Variants in MACROD2 observed in about 807,000 individuals in gnomAD.
MACROD2 encodes ADP-ribose glycohydrolase MACROD2.
A neutral mutation model predicts 70.4 loss-of-function variants in MACROD2; 36 were observed. The observed-to-expected ratio is 0.51, with a 90% CI of 0.39 to 0.68. The LOEUF (loss-of-function observed/expected upper bound fraction) is 0.68. Ranked by LOEUF, MACROD2 falls within the 30% of genes least tolerant of loss-of-function variation. The pLI, the probability that MACROD2 is intolerant of heterozygous loss-of-function variation, is 0.00. For missense variants in MACROD2, 496 were observed against 538.4 expected (o/e 0.92, Z 0.78); for synonymous variants, 172 against 178.8 (o/e 0.96, Z 0.30).
intron 8 of MACROD2, among the ~76,000 whole-genome samples, chr20:15,772,356 G>A (rs997367573): frequency 4.6e-5 from 7 of 151,766 alleles, no homozygotes; most frequent in Non-Finnish European, 8.8e-5. Context: ...GCATTTTGTA[G>A]ATGAGAAAAC....
intron 7 of MACROD2, among the ~76,000 whole-genome samples, chr20:15,465,695 G>C (rs1172396340): frequency 6.6e-6 from 1 of 152,228 alleles, no homozygotes; most frequent in Non-Finnish European, 1.5e-5. Context: ...GGAAGGGGTA[G>C]ACATGTGGCT....
At chr20:15,219,432 A>T (rs2076839471) in intron 5 of MACROD2, among the ~76,000 whole-genome samples, 1 of 152,216 alleles carries the variant, frequency 6.6e-6, no homozygotes, top group Non-Finnish European at 1.5e-5. Context: ...TGCCCTTATT[A>T]TTTAAATATT....
intron 5 of MACROD2, among the ~76,000 whole-genome samples, chr20:14,886,582 A>G (rs984261): frequency 0.91 from 138,107 of 152,148 alleles, 62,868 homozygotes; most frequent in East Asian, 1. Flanking sequence ...ACTTGGTTCT[A>G]TCCCTTACTA....
At chr20:14,461,937 G>C (rs2084377540) in intron 3 of MACROD2, among the ~76,000 whole-genome samples, 1 of 151,980 alleles carries the variant, frequency 6.6e-6, no homozygotes, top group Non-Finnish European at 1.5e-5. Context: ...GAATAGTGCT[G>C]CAAGAAACAT....
At chr20:15,499,975 A>G (rs1221087062) in intron 8 of MACROD2, 128 bp downstream of exon 8, 4 of 784,022 alleles carry the variant, frequency 5.1e-6, no homozygotes, top group Admixed American at 2.4e-5. Flanking sequence ...CTAGCTGACC[A>G]TTCTTCACTT....
chr20:15,668,681 C>T (rs980441854), intron 8 of MACROD2, among the ~76,000 whole-genome samples: 4 of 152,202 alleles, frequency 2.6e-5, no homozygotes, highest in African/African-American at 4.8e-5. Context: ...TGATGTTTGT[C>T]GCAAAATTAT....
intron 15 of MACROD2, among the ~76,000 whole-genome samples, chr20:15,998,719 C>G (rs62194204): frequency 1.3e-5 from 2 of 151,766 alleles, no homozygotes; most frequent in Non-Finnish European, 2.9e-5. Flanking sequence ...CACCCGCCAC[C>G]AAGCCTGGCT....
chr20:14,666,091 G>A (rs2070734118), intron 4 of MACROD2, among the ~76,000 whole-genome samples: 1 of 152,062 alleles, frequency 6.6e-6, no homozygotes. Context: ...CGTGAGGCAT[G>A]GTTTTATGAC....
At position 15,987,079 on chromosome 20, in the gene MACROD2, C is replaced by T; in HGVS notation, c.1074C>T (p.Asn358=). 4 of 1,609,242 alleles carry T rather than the reference C, an allele frequency of 2.5e-6. No homozygotes were observed. The East Asian group carries it at 8.9e-5, about 36-fold the overall frequency. ...SYMETEELSS[N]QEDAVIVEQP... The stretch of plus-strand genomic sequence containing the variant: ...CATTCTATTTAGAACTTTCATCAAA[C>T]CAAGAAGATGCCGTGATTGTGGAGC... The change falls in exon 15 of 18, where the codon AAC becomes AAT. Residue 358 remains asparagine, a synonymous_variant. Transcript: ENST00000684519.
chr20:15,855,038 T>A (rs180818686), intron 8 of MACROD2, among the ~76,000 whole-genome samples: 80 of 152,288 alleles, frequency 5.3e-4, no homozygotes, highest in Non-Finnish European at 9.0e-4. Context: ...CAGTCCTCAG[T>A]TAAAGCAGCA....
intron 2 of MACROD2, among the ~76,000 whole-genome samples, chr20:14,078,074 G>C (rs150617099): frequency 2.1e-3 from 314 of 151,712 alleles, no homozygotes; most frequent in African/African-American, 7.3e-3. Flanking sequence ...GGCTAATTTT[G>C]TATTTTTAGT....
intron 3 of MACROD2, among the ~76,000 whole-genome samples, chr20:14,197,421 C>A (rs1207869793): frequency 6.6e-6 from 1 of 152,180 alleles, no homozygotes; most frequent in Non-Finnish European, 1.5e-5. Context: ...ATATAACTTT[C>A]AACTGAAATT....
intron 3 of MACROD2, among the ~76,000 whole-genome samples, chr20:14,412,726 A>G (rs959405153): frequency 6.6e-6 from 1 of 152,216 alleles, no homozygotes; most frequent in African/African-American, 2.4e-5. Flanking sequence ...ATGTCTGTAA[A>G]GTTCTTAGCA....
intron 8 of MACROD2, among the ~76,000 whole-genome samples, chr20:15,819,666 A>G (rs1289474796): frequency 6.6e-6 from 1 of 151,898 alleles, no homozygotes; most frequent in Non-Finnish European, 1.5e-5. Context: ...AATAGGCCAG[A>G]TGCAGAAGAT....
intron 12 of MACROD2, among the ~76,000 whole-genome samples, chr20:15,938,643 T>C (rs1452405873): frequency 6.6e-6 from 1 of 152,152 alleles, no homozygotes; most frequent in Admixed American, 6.5e-5. Context: ...ATATTGAAAT[T>C]AGGCCAATTA....
intron 12 of MACROD2, among the ~76,000 whole-genome samples, chr20:15,962,797 G>T (rs888622373): frequency 1.3e-5 from 2 of 152,128 alleles, no homozygotes; most frequent in Non-Finnish European, 2.9e-5. Flanking sequence ...AGCTCATTTG[G>T]GTCTCCTGAT....
chr20:14,294,628 C>T lies in MACROD2; in HGVS notation c.272-198851C>T, dbSNP rs537058241. Among the ~76,000 whole-genome samples, 7 of 151,872 alleles carry T rather than the reference C, an allele frequency of 4.6e-5. No homozygotes were observed. The East Asian group carries it at 5.8e-4, about 13-fold the overall frequency. ...AAGTAATTTATTTAAAAATTAGCTA[C>T]GGCATAACGTGTATATCATAGAAGC... On this transcript the variant is annotated intron_variant, in intron 3 of 17. Transcript: ENST00000684519.
intron 14 of MACROD2, 84 bp downstream of exon 14, chr20:15,986,885 GGTGT>G: frequency 5.4e-6 from 6 of 1,104,858 alleles, no homozygotes; most frequent in Admixed American, 1.9e-5. Flanking sequence ...GTGTGTGCGT[GGTGT>G]GTGTGTGTGT....
At chr20:15,108,299 A>G (rs559996034) in intron 5 of MACROD2, among the ~76,000 whole-genome samples, 1 of 152,286 alleles carries the variant, frequency 6.6e-6, no homozygotes, top group South Asian at 2.1e-4. Flanking sequence ...TTTTATTACT[A>G]TATTTTCTTC....
Sources: gnomAD v4.1 joint callset for allele counts (sites outside exome capture counted in the v4.1 genomes callset) on GRCh38, gnomAD v4.1.1 for gene constraint, MANE v1.5 for transcripts, NCBI Gene and HGNC (gene_info 2026-07-23, HGNC 2026-07-21) for gene names.